The following ATF1 variants were observed in gnomAD, a reference collection of about 807,000 sequenced individuals.
ATF1 encodes activating transcription factor 1, also known as cyclic AMP-dependent transcription factor ATF-1.
ATF1 carries 16 observed loss-of-function variants against 34.7 expected under a neutral mutation model. That is an observed-to-expected ratio of 0.46 (90% confidence interval 0.31 to 0.70). The LOEUF is 0.70. ATF1 is among the 30% of genes least tolerant of loss of function. The pLI is 0.05. For synonymous variants in ATF1, 105 were observed against 113.1 expected (o/e 0.93, Z 0.46); for missense variants, 255 against 321.6 (o/e 0.79, Z 1.58).
intron 4 of ATF1, among the ~76,000 whole-genome samples, chr12:50,813,713 C>G (rs548050099): frequency 3.1e-4 from 47 of 152,120 alleles, no homozygotes; most frequent in Middle Eastern, 3.4e-3. Flanking sequence ...CCTTGGGAGG[C>G]TGAGGCACAA....
chr12:50,787,187 G>A (rs1378852722), intron 2 of ATF1, among the ~76,000 whole-genome samples: 1 of 152,140 alleles, frequency 6.6e-6, no homozygotes, highest in Admixed American at 6.6e-5. Context: ...TCTTACCCAT[G>A]ATGTCTGTCA....
At position 50,795,900 on chromosome 12, in the gene ATF1, C is replaced by A. The variant is rs144298188; in HGVS notation, c.94-9C>A. ...ATTGTTCATCATGTTAATGCCAGTT[C>A]TTTTTTAGGTATCATCTTTATCAGA... On this transcript the variant is annotated splice_polypyrimidine_tract_variant and intron_variant, in intron 2 of 6. Transcript: ENST00000262053. 51 of 1,604,532 alleles carry A rather than the reference C, an allele frequency of 3.2e-5. No individual in the cohort carries two copies. The African/African-American group carries it at 6.7e-4, about 21-fold the overall frequency.
chr12:50,766,301 G>C (rs942696921), intron 1 of ATF1, among the ~76,000 whole-genome samples: 1 of 152,124 alleles, frequency 6.6e-6, no homozygotes, highest in Non-Finnish European at 1.5e-5. Context: ...ACTGACCTTG[G>C]GTTGGAGGCC....
intron 2 of ATF1, among the ~76,000 whole-genome samples, chr12:50,786,611 G>T (rs561120073): frequency 6.6e-6 from 1 of 152,174 alleles, no homozygotes; most frequent in South Asian, 2.1e-4. Context: ...AAGCCGCTGG[G>T]AAAAAGGAAA....
chr12:50,798,558 C>G (rs890446678), intron 3 of ATF1, among the ~76,000 whole-genome samples: 1 of 152,104 alleles, frequency 6.6e-6, no homozygotes, highest in Non-Finnish European at 1.5e-5. Flanking sequence ...ATCTGCCCAC[C>G]TTGGCCTCCC....
At chr12:50,802,864 T>C (rs1592193506) in intron 3 of ATF1, among the ~76,000 whole-genome samples, 2 of 62,566 alleles carry the variant, frequency 3.2e-5, no homozygotes, top group Non-Finnish European at 5.4e-5. Flanking sequence ...AGAAGGAGAC[T>C]CCATCTCAAA....
chr12:50,797,874 G>A (rs1011666562), intron 3 of ATF1, among the ~76,000 whole-genome samples: 1 of 151,534 alleles, frequency 6.6e-6, no homozygotes, highest in Admixed American at 6.6e-5. Context: ...TTTTCAAACT[G>A]ATTTAAGAAA....
intron 1 of ATF1, among the ~76,000 whole-genome samples, chr12:50,773,642 C>T (rs560809716): frequency 5.9e-5 from 9 of 151,812 alleles, no homozygotes; most frequent in African/African-American, 2.2e-4. Flanking sequence ...CGTTGGAGTG[C>T]AGTGGTGCAA....
chr12:50,788,204 A>G (rs1327811245), intron 2 of ATF1: 2 of 447,884 alleles, frequency 4.5e-6, no homozygotes, highest in Non-Finnish European at 8.9e-6. Context: ...TTTTTTTGAC[A>G]TAGGGTCTCA....
intron 2 of ATF1, among the ~76,000 whole-genome samples, chr12:50,795,420 A>C (rs1399159421): frequency 2.0e-5 from 3 of 152,178 alleles, no homozygotes; most frequent in Non-Finnish European, 2.9e-5. Flanking sequence ...TAAGGACTCT[A>C]AAAAGCTAGA....
chr12:50,811,976 T>C (rs1312277168), intron 4 of ATF1, among the ~76,000 whole-genome samples: 4 of 152,202 alleles, frequency 2.6e-5, no homozygotes. Context: ...ATATCTGCAT[T>C]GTCCCAGAAT....
chr12:50,782,712 C>T (rs1428461876), intron 2 of ATF1, among the ~76,000 whole-genome samples: 7 of 114,520 alleles, frequency 6.1e-5, no homozygotes, highest in Admixed American at 1.1e-4. Context: ...TTTTTTGAGA[C>T]GGAGTCTTGC....
chr12:50,774,472 C>G (rs541629774), intron 1 of ATF1, among the ~76,000 whole-genome samples: 1 of 152,242 alleles, frequency 6.6e-6, no homozygotes, highest in Admixed American at 6.5e-5. Context: ...CTTGTTTCTG[C>G]CTGACTTTGG....
intron 1 of ATF1, among the ~76,000 whole-genome samples, chr12:50,775,073 A>T (rs1391157976): frequency 6.6e-6 from 1 of 151,112 alleles, no homozygotes; most frequent in African/African-American, 2.4e-5. Flanking sequence ...TTGATTCTTC[A>T]TGTATACAAT....
intron 3 of ATF1, among the ~76,000 whole-genome samples, chr12:50,799,852 C>T (rs777350908): frequency 6.6e-6 from 1 of 152,062 alleles, no homozygotes. Flanking sequence ...TAATTCTCAG[C>T]GACCTGTGCG....
In ATF1 at chr12:50,814,389, TAAGA is replaced by T; in HGVS notation, c.622_625del (p.Lys208GlnfsTer6). On this transcript the variant is annotated frameshift_variant, in exon 6 of 7. Transcript: ENST00000262053. LOFTEE classifies it high-confidence loss of function. Reference sequence around the variant, plus strand: ...CTGTGACTCTCACCTCTCAGACAACTAAGACAGATGACCCCCAATTGAAAAGAGA... The same window carrying T: ...CTGTGACTCTCACCTCTCAGACAACTCAGATGACCCCCAATTGAAAAGAGA... 1 of 1,614,120 alleles carries T rather than the reference TAAGA, an allele frequency of 6.2e-7. No individual in the cohort carries two copies.
rs1408051393 is a variant in ATF1, at chr12:50,764,127, C to A, written c.-187C>A. ...GTAGCGGCCCTGACTGCCGAGGAAA[C>A]GGTAGCTTAGGACAGTTGGCTGTTA... On this transcript the variant is annotated 5_prime_UTR_variant, in exon 1 of 7. Transcript: ENST00000262053. The A allele has an allele frequency of 4.0e-5, 6 of 149,906 alleles. No homozygotes were observed. Among genetic ancestry groups the A allele is most frequent in the African/African-American group, 1.5e-4 (6 of 40,684 alleles). 9.3% of individuals were successfully genotyped at this position (149,906 alleles called of 1,614,324 possible).
intron 1 of ATF1, among the ~76,000 whole-genome samples, chr12:50,774,261 C>T (rs1940855120): frequency 6.6e-6 from 1 of 152,200 alleles, no homozygotes; most frequent in Non-Finnish European, 1.5e-5. Flanking sequence ...TCTTGAACTC[C>T]TGACCTCAGG....
In ATF1 at chr12:50,809,521, G is replaced by T; in HGVS notation, c.260G>T (p.Gly87Val). Reference sequence around the variant, plus strand: ...AGAAAAGGAGACGGAGAAAATTCTGGAGTTTCTGCTGCTGTCACTTCTATG... The same window carrying T: ...AGAAAAGGAGACGGAGAAAATTCTGTAGTTTCTGCTGCTGTCACTTCTATG... ...RGRKGDGENS[G>V]VSAAVTSMSV... Residue 87 changes from glycine to valine, a missense_variant, in exon 4 of 7, where the codon GGA becomes GTA. Coordinates refer to ENST00000262053, the MANE Select transcript of ATF1 (RefSeq NM_005171.5). 2 of 1,613,668 alleles carry T rather than the reference G, an allele frequency of 1.2e-6. No homozygotes were observed. The highest frequency in any genetic ancestry group is 8.5e-7 in the Non-Finnish European group (1 of 1,179,728).
Sources: allele counts gnomAD v4.1 joint callset (sites outside exome capture counted in the v4.1 genomes callset), GRCh38; gene constraint gnomAD v4.1.1; transcripts MANE v1.5; gene names NCBI Gene and HGNC (gene_info 2026-07-23, HGNC 2026-07-21).